The following PADI4 variants were observed in gnomAD, a reference collection of about 807,000 sequenced individuals.
PADI4 encodes peptidyl arginine deiminase 4.
Under a neutral mutation model 75.0 loss-of-function variants are expected in PADI4, and 62 were observed. That is an observed-to-expected ratio of 0.83 (90% CI 0.67 to 1.02). The LOEUF (loss-of-function observed/expected upper bound fraction) is 1.02. PADI4 is among the 50% of genes least tolerant of loss of function. The probability of loss-of-function intolerance (pLI) is 0.00; values close to 1 mark genes in which losing one functional copy is unlikely to be tolerated. For missense variants in PADI4, 845 were observed against 850.5 expected (o/e 0.99, Z 0.08); for synonymous variants, 361 against 348.1 (o/e 1.04, Z -0.41).
intron 1 of PADI4, among the ~76,000 whole-genome samples, chr1:17,316,558 C>T (rs927668720): frequency 6.7e-6 from 1 of 149,824 alleles, no homozygotes; most frequent in Non-Finnish European, 1.5e-5. Context: ...GGCCTGGTGG[C>T]GGGCGCCTGT....
intron 1 of PADI4, among the ~76,000 whole-genome samples, chr1:17,319,235 A>T (rs1387909397): frequency 3.9e-5 from 6 of 152,128 alleles, no homozygotes; most frequent in Non-Finnish European, 7.3e-5. Context: ...CTCGGCCATC[A>T]TATCACTCAA....
chr1:17,351,955 G>GAGGCAGT (rs1557576019), intron 10 of PADI4, among the ~76,000 whole-genome samples: 8 of 105,358 alleles, frequency 7.6e-5, no homozygotes, highest in Non-Finnish European at 1.2e-4. Context: ...TGGGAGGTGG[G>GAGGCAGT]AGGAGAGGCG....
chr1:17,325,739 C>T (rs1202723555), intron 1 of PADI4, among the ~76,000 whole-genome samples: 1 of 150,058 alleles, frequency 6.7e-6, no homozygotes, highest in Non-Finnish European at 1.5e-5. Flanking sequence ...AACAGAGTCT[C>T]ACTCTGTTAC....
intron 1 of PADI4, among the ~76,000 whole-genome samples, chr1:17,312,545 T>C (rs998503498): frequency 1.3e-5 from 2 of 151,812 alleles, no homozygotes; most frequent in Non-Finnish European, 2.9e-5. Context: ...GTGGTTGCAT[T>C]GAGTCTTTGA....
At chr1:17,336,769 A>T (rs2074319786) in intron 4 of PADI4, among the ~76,000 whole-genome samples, 1 of 152,236 alleles carries the variant, frequency 6.6e-6, no homozygotes, top group Admixed American at 6.5e-5. Context: ...GCACCATTTT[A>T]TGCTGGTGTG....
chr1:17,310,373 C>G (rs994716963), intron 1 of PADI4, among the ~76,000 whole-genome samples: 27 of 152,134 alleles, frequency 1.8e-4, no homozygotes, highest in Admixed American at 9.2e-4. Context: ...CCTGTCACTT[C>G]TTATCTGTTC....
intron 4 of PADI4, among the ~76,000 whole-genome samples, chr1:17,337,248 T>C (rs1748028): frequency 0.62 from 94,439 of 151,978 alleles, 29,757 homozygotes; most frequent in Non-Finnish European, 0.67. Context: ...CAGGTTCAAG[T>C]GATTCTCCTA....
chr1:17,311,493 G>A (rs1304980972), intron 1 of PADI4, among the ~76,000 whole-genome samples: 2 of 151,724 alleles, frequency 1.3e-5, no homozygotes, highest in East Asian at 1.9e-4. Context: ...GCCATCTATG[G>A]TCTCTCTTCT....
chr1:17,349,969 T>C (rs1045875738), intron 10 of PADI4, among the ~76,000 whole-genome samples: 1 of 123,374 alleles, frequency 8.1e-6, no homozygotes, highest in African/African-American at 2.6e-5. Context: ...CTGTTCCCTG[T>C]TCACGGGGCT....
At chr1:17,324,454 T>C (rs1389937484) in intron 1 of PADI4, among the ~76,000 whole-genome samples, 6 of 152,194 alleles carry the variant, frequency 3.9e-5, no homozygotes, top group Admixed American at 3.9e-4. Context: ...TATATTGTCT[T>C]TTGATTAACA....
At chr1:17,317,551 G>A (rs2073962668) in intron 1 of PADI4, among the ~76,000 whole-genome samples, 1 of 152,038 alleles carries the variant, frequency 6.6e-6, no homozygotes, top group South Asian at 2.1e-4. Flanking sequence ...TTACAGGCTT[G>A]AGCCACCATG....
chr1:17,335,713 G>C (rs1287010612), intron 3 of PADI4, among the ~76,000 whole-genome samples: 2 of 152,258 alleles, frequency 1.3e-5, no homozygotes, highest in African/African-American at 4.8e-5. Flanking sequence ...CACATGTCAT[G>C]AAGAGCCCGT....
In PADI4 at chr1:17,339,727, C is replaced by T. The variant is rs142590988; in HGVS notation, c.566C>T (p.Thr189Ile). The T allele has an allele frequency of 6.2e-7, 1 of 1,613,752 alleles. No individual in the cohort carries two copies. Among genetic ancestry groups the T allele is most frequent in the African/African-American group, 1.3e-5 (1 of 74,874 alleles). ...TCGCTGATGACCCTGAGCACGAAGA[C>T]CCCCAAGGACTTCTTCACAAACCAT... ...DMSLMTLSTK[T>I]PKDFFTNHTL... Residue 189 changes from threonine (T) to isoleucine (I), a missense_variant, in exon 6 of 16, where the codon ACC (threonine) becomes ATC (isoleucine). Coordinates refer to ENST00000375448, the MANE Select transcript of PADI4 (RefSeq NM_012387.3).
Position 17,359,270 on chromosome 1 carries a change from C to A in PADI4, c.1630-10C>A. The A allele has an allele frequency of 6.2e-7, 1 of 1,610,988 alleles. No homozygotes were observed. The highest frequency in any genetic ancestry group is 8.5e-7 in the Non-Finnish European group (1 of 1,178,560). On this transcript the variant is annotated splice_polypyrimidine_tract_variant and intron_variant, in intron 14 of 15. Transcript: ENST00000375448. ...AGTCCCCCACTCACTGCCCCTGCCC[C>A]TTCCCCAAGAGATGCATCGACTGGA... is the stretch of plus-strand genomic sequence containing the variant.
At chr1:17,322,388 C>G (rs987059918) in intron 1 of PADI4, among the ~76,000 whole-genome samples, 12 of 152,086 alleles carry the variant, frequency 7.9e-5, no homozygotes, top group Non-Finnish European at 1.6e-4. Flanking sequence ...ACTTGGGAGG[C>G]TGAGACAGGA....
At chr1:17,326,334 A>T (rs1482655001) in intron 1 of PADI4, among the ~76,000 whole-genome samples, 2 of 152,128 alleles carry the variant, frequency 1.3e-5, no homozygotes, top group Non-Finnish European at 2.9e-5. Flanking sequence ...CTTTCTTTTT[A>T]AAAATATAAA....
At chr1:17,323,775 G>A (rs895798817) in intron 1 of PADI4, among the ~76,000 whole-genome samples, 9 of 152,054 alleles carry the variant, frequency 5.9e-5, no homozygotes, top group African/African-American at 2.2e-4. Context: ...AGAGGTTGCA[G>A]TGAGCTGAGA....
At chr1:17,353,885 G>A (rs71644043) in intron 10 of PADI4, among the ~76,000 whole-genome samples, 6,371 of 152,210 alleles carry the variant, frequency 0.042, 274 homozygotes, top group African/African-American at 0.1. Context: ...AACCAGCTCT[G>A]CCATCCCTGG....
rs778025949 is a variant in PADI4 at position 17,354,627 on chromosome 1, C to T, written c.1250C>T (p.Thr417Ile). The T allele has an allele frequency of 6.2e-7, 1 of 1,614,004 alleles. No individual in the cohort carries two copies. Among genetic ancestry groups the T allele is most frequent in the Admixed American group, 1.7e-5 (1 of 60,008 alleles). Residue 417 changes from threonine (T) to isoleucine (I), a missense_variant, in exon 11 of 16, where the codon ACA (threonine) becomes ATA (isoleucine). Thr to Ile is a moderately conservative substitution (Grantham distance 89). Coordinates refer to ENST00000375448, the MANE Select transcript of PADI4 (RefSeq NM_012387.3). ...AACCTGGAAGTGAGCCCCCCAGTCA[C>T]AGTCAGGGGCAAGGAATACCCGCTG... is the stretch of plus-strand genomic sequence containing the variant. ...FGNLEVSPPV[T>I]VRGKEYPLGR... is the part of the protein sequence containing the mutation.
Sources: gnomAD v4.1 joint callset for allele counts (sites outside exome capture counted in the v4.1 genomes callset) on GRCh38, gnomAD v4.1.1 for gene constraint, MANE v1.5 for transcripts, NCBI Gene and HGNC (gene_info 2026-07-23, HGNC 2026-07-21) for gene names.